Variants in DLGAP1 observed in about 807,000 individuals in gnomAD.
The protein encoded by DLGAP1 is disks large-associated protein 1.
DLGAP1 carries 11 observed loss-of-function variants against 90.8 expected under a neutral mutation model. The ratio of observed to expected loss-of-function variants is 0.12; its 90% CI spans 0.08 to 0.20. DLGAP1 has a LOEUF of 0.20. DLGAP1 is among the 10% of genes least tolerant of loss of function. The pLI is 1.00. For synonymous variants in DLGAP1, 558 were observed against 540.7 expected, an observed-to-expected ratio of 1.03 and a Z score of -0.44; for missense variants, 1,050 against 1,333.8, an observed-to-expected ratio of 0.79 and a Z score of 3.31.
chr18:4,008,952 G>C (rs2074361445), intron 2 of DLGAP1, among the ~76,000 whole-genome samples: 1 of 152,040 alleles, frequency 6.6e-6, no homozygotes, highest in African/African-American at 2.4e-5. Flanking sequence ...CGCCCAGGCT[G>C]GAGTGCGGTG....
chr18:3,594,636 T>TG (rs2056475684), intron 7 of DLGAP1, among the ~76,000 whole-genome samples: 2 of 152,222 alleles, frequency 1.3e-5, no homozygotes, highest in South Asian at 4.2e-4. Context: ...ACCTCTGGGT[T>TG]GGGGCTGGGG....
At chr18:3,916,965 T>C (rs918477548) in intron 3 of DLGAP1, among the ~76,000 whole-genome samples, 1 of 152,238 alleles carries the variant, frequency 6.6e-6, no homozygotes, top group African/African-American at 2.4e-5. Flanking sequence ...ACACATTTAA[T>C]AAAAACTGTA....
chr18:4,133,288 G>A (rs940346265), intron 2 of DLGAP1, among the ~76,000 whole-genome samples: 16 of 152,146 alleles, frequency 1.1e-4, no homozygotes, highest in African/African-American at 3.9e-4. Flanking sequence ...GAGTGCCAAC[G>A]ATTCACTGCC....
chr18:3,835,647 C>CAA lies in DLGAP1; in HGVS notation c.958-21376_958-21375dup, dbSNP rs573083559. ...GTGGCAACAGAGCAAGGCTCCGTCT[C>CAA]AAAAAAAAAAAAAAAAAGAAAATAT... On this transcript the variant is annotated intron_variant, in intron 4 of 12. Coordinates refer to ENST00000315677, the MANE Select transcript of DLGAP1 (RefSeq NM_004746.4). Among the ~76,000 whole-genome samples the CAA allele has an allele frequency of 5.4e-3, 429 of 79,596 alleles. 4 individuals carry two copies. The highest frequency in any genetic ancestry group is 0.017 in the African/African-American group (392 of 23,024). 52.2% of individuals were successfully genotyped at this position (79,596 alleles called of 152,430 possible).
chr18:4,109,016 G>C (rs1172846913), intron 2 of DLGAP1, among the ~76,000 whole-genome samples: 1 of 152,156 alleles, frequency 6.6e-6, no homozygotes, highest in Admixed American at 6.5e-5. Flanking sequence ...GTAATGTTTG[G>C]AGCTGTCTAA....
intron 1 of DLGAP1, among the ~76,000 whole-genome samples, chr18:4,419,649 G>T (rs1476204513): frequency 2.7e-5 from 2 of 74,196 alleles, no homozygotes; most frequent in Admixed American, 3.9e-4. Flanking sequence ...GATAAAGGAT[G>T]GGAGGGAAAT....
rs967223190 is a variant in DLGAP1, at chr18:3,496,671, T to C, written c.*2514A>G. On this transcript the variant is annotated 3_prime_UTR_variant, in exon 13 of 13. Transcript: ENST00000315677. Reference sequence around the variant, plus strand: ...GGTACATACATTTTCCATTACGAACTAAAAAACATTTCTACAAATTACATC... The same window carrying C: ...GGTACATACATTTTCCATTACGAACCAAAAAACATTTCTACAAATTACATC... 1 of 152,136 alleles carries C rather than the reference T, an allele frequency of 6.6e-6. No homozygotes were observed. The highest frequency in any genetic ancestry group is 2.1e-4 in the South Asian group (1 of 4,832). 9.4% of individuals were successfully genotyped at this position (152,136 alleles called of 1,614,324 possible).
At chr18:4,304,875 G>A (rs2080211203) in intron 1 of DLGAP1, among the ~76,000 whole-genome samples, 1 of 151,288 alleles carries the variant, frequency 6.6e-6, no homozygotes, top group Admixed American at 6.6e-5. Flanking sequence ...AGGTTGCAGT[G>A]AGCTGAGATT....
intron 1 of DLGAP1, among the ~76,000 whole-genome samples, chr18:4,177,711 T>C (rs1040566172): frequency 5.9e-5 from 9 of 152,172 alleles, no homozygotes; most frequent in South Asian, 2.1e-4. Context: ...AGTGAGAACA[T>C]GCAGTATTTG....
intron 2 of DLGAP1, among the ~76,000 whole-genome samples, chr18:4,022,194 A>G (rs1323818385): frequency 6.6e-6 from 1 of 152,080 alleles, no homozygotes. Context: ...TAGACTTTAG[A>G]TAAGAAAATT....
intron 2 of DLGAP1, among the ~76,000 whole-genome samples, chr18:4,046,886 C>T (rs890206482): frequency 6.6e-6 from 1 of 152,194 alleles, no homozygotes; most frequent in African/African-American, 2.4e-5. Flanking sequence ...GCTCTCTAAG[C>T]TGGCCTCAGG....
chr18:3,505,554 C>G (rs1011604287), intron 11 of DLGAP1, among the ~76,000 whole-genome samples: 2 of 147,668 alleles, frequency 1.4e-5, no homozygotes, highest in Non-Finnish European at 3.0e-5. Flanking sequence ...AGGAGAATTG[C>G]TTGAACCCGT....
intron 4 of DLGAP1, among the ~76,000 whole-genome samples, chr18:3,866,102 G>A (rs147256608): frequency 1.3e-5 from 2 of 152,286 alleles, no homozygotes; most frequent in Admixed American, 1.3e-4. Flanking sequence ...TTGTCTATCA[G>A]AGCTTAAAGC....
At chr18:4,244,511 C>T (rs75084353) in intron 1 of DLGAP1, among the ~76,000 whole-genome samples, 1,730 of 152,174 alleles carry the variant, frequency 0.011, 38 homozygotes, top group African/African-American at 0.04. Context: ...GTAAATACTG[C>T]GTTAGTTGCA....
chr18:4,327,861 G>A (rs2080857364), intron 1 of DLGAP1, among the ~76,000 whole-genome samples: 1 of 151,868 alleles, frequency 6.6e-6, no homozygotes, highest in Non-Finnish European at 1.5e-5. Context: ...TTGCTTTGAT[G>A]GGAATCAGTA....
rs1480932802 is a variant in DLGAP1 at position 3,653,219 on chromosome 18, G to GT, written c.1592-70972dup. 6.6e-6 allele frequency among the ~76,000 whole-genome samples: 1 copy of GT among 152,086 alleles called. No homozygotes were observed. Among genetic ancestry groups the GT allele is most frequent in the Non-Finnish European group, 1.5e-5 (1 of 68,024 alleles). ...TCTTGTGGAATTCTTGCTGTGAGTGGTTTTTCCTTCCCTGCCATTGGTGCG... is the reference window on the plus strand; with the variant it reads ...TCTTGTGGAATTCTTGCTGTGAGTGGTTTTTTCCTTCCCTGCCATTGGTGCG... On this transcript the variant is annotated intron_variant, in intron 7 of 12. Transcript: ENST00000315677. This position sits in a 1 kb window ranked among gnomAD's most constrained non-coding sequence, Gnocchi z 4.6.
intron 3 of DLGAP1, among the ~76,000 whole-genome samples, chr18:3,906,816 C>T (rs568096171): frequency 6.6e-5 from 10 of 152,284 alleles, no homozygotes; most frequent in African/African-American, 2.4e-4. Context: ...TTATAGATAA[C>T]ACACCATGAG....
At chr18:4,449,332 T>A (rs976356464) in intron 1 of DLGAP1, among the ~76,000 whole-genome samples, 4 of 152,182 alleles carry the variant, frequency 2.6e-5, no homozygotes, top group Non-Finnish European at 5.9e-5. Context: ...GCCAGCAGAG[T>A]GCATGTTGCC....
At chr18:4,164,829 A>G (rs1395737904) in intron 1 of DLGAP1, among the ~76,000 whole-genome samples, 1 of 152,170 alleles carries the variant, frequency 6.6e-6, no homozygotes, top group Non-Finnish European at 1.5e-5. Context: ...GAACTAAAAA[A>G]TAGAAAAACA....
Sources: gnomAD v4.1 joint callset for allele counts (sites outside exome capture counted in the v4.1 genomes callset) on GRCh38, gnomAD v4.1.1 for gene constraint, Gnocchi (gnomAD v3.1) non-coding constraint, MANE v1.5 for transcripts, NCBI Gene and HGNC (gene_info 2026-07-23, HGNC 2026-07-21) for gene names.